The following MCCC1 variants were observed in gnomAD, a reference collection of about 807,000 sequenced individuals.
MCCC1 encodes the protein methylcrotonoyl-CoA carboxylase subunit alpha, mitochondrial.
MCCC1 carries 64 observed loss-of-function variants against 83.8 expected under a neutral mutation model. The observed-to-expected ratio is 0.76, with a 90% CI of 0.62 to 0.94. MCCC1 has a LOEUF of 0.94. Among genes scored for constraint, MCCC1 ranks in the 40% least tolerant of loss-of-function variants. MCCC1 has a pLI of 0.00. For synonymous variants in MCCC1, 322 were observed against 315.4 expected, an observed-to-expected ratio of 1.02 and a Z score of -0.22; for missense variants, 807 against 904.7, an observed-to-expected ratio of 0.89 and a Z score of 1.39.
intron 7 of MCCC1, among the ~76,000 whole-genome samples, chr3:183,065,535 G>C (rs1254411739): frequency 6.6e-6 from 1 of 152,148 alleles, no homozygotes; most frequent in Non-Finnish European, 1.5e-5. Flanking sequence ...TACATGTAAG[G>C]TGTGTAAGGA....
upstream of MCCC1, among the ~76,000 whole-genome samples, chr3:183,101,580 G>C (rs1216228809): frequency 6.6e-6 from 1 of 152,212 alleles, no homozygotes; most frequent in African/African-American, 2.4e-5. Context: ...CTCAGGGATT[G>C]TAAACGCACC....
At chr3:183,022,710 C>T in intron 15 of MCCC1, 156 bp from the exon 16 acceptor site, 1 of 669,928 alleles carries the variant, frequency 1.5e-6, no homozygotes, top group South Asian at 2.1e-5. Flanking sequence ...GGAACTTTTC[C>T]CCTATTCCTA....
chr3:183,057,018 G>A lies in MCCC1; in HGVS notation c.873+293C>T, dbSNP rs1168013120. On this transcript the variant is annotated intron_variant, in intron 8 of 18. Transcript: ENST00000265594. The stretch of plus-strand genomic sequence containing the variant: ...CCATTCATTACAATTTAAAATGTGC[G>A]TTGAAACCTCACTAGACAGCTTTTC... Among the ~76,000 whole-genome samples the A allele has an allele frequency of 7.9e-5, 12 of 152,152 alleles. No homozygotes were observed. The South Asian group carries it at 1.5e-3, about 18-fold the overall frequency.
intron 10 of MCCC1, 74 bp from the exon 11 acceptor site, chr3:183,041,824 C>T (rs934281164): frequency 7.5e-5 from 116 of 1,537,068 alleles, no homozygotes; most frequent in Admixed American, 3.5e-4. Context: ...AATGGTCTTG[C>T]TTTTTTTCTA....
At chr3:183,057,865 C>T (rs1397059011) in intron 7 of MCCC1, among the ~76,000 whole-genome samples, 1 of 152,070 alleles carries the variant, frequency 6.6e-6, no homozygotes, top group Non-Finnish European at 1.5e-5. Context: ...GAGTGAGAGA[C>T]CCTGTCAAAA....
At chr3:183,044,159 A>C (rs1714340220) in intron 10 of MCCC1, among the ~76,000 whole-genome samples, 1 of 152,234 alleles carries the variant, frequency 6.6e-6, no homozygotes, top group Non-Finnish European at 1.5e-5. Flanking sequence ...CACACCAGGA[A>C]AAAACAATTT....
intron 8 of MCCC1, among the ~76,000 whole-genome samples, chr3:183,055,048 T>C (rs1715304107): frequency 6.6e-6 from 1 of 152,164 alleles, no homozygotes; most frequent in Non-Finnish European, 1.5e-5. Flanking sequence ...CAGAATGTAT[T>C]CCTATTGTTA....
chr3:183,108,156 T>G (rs1481771933), intron 1 of MCCC1, among the ~76,000 whole-genome samples: 1 of 152,208 alleles, frequency 6.6e-6, no homozygotes, highest in East Asian at 1.9e-4. Flanking sequence ...AGGGCTAGCA[T>G]TTTCAGGGAA....
At chr3:183,021,589 G>A (rs1325345431) in intron 16 of MCCC1, among the ~76,000 whole-genome samples, 1 of 152,142 alleles carries the variant, frequency 6.6e-6, no homozygotes, top group African/African-American at 2.4e-5. Flanking sequence ...AGAGTTTAAC[G>A]GCCAAGGTCA....
Position 183,092,540 on chromosome 3 carries a change from T to A in MCCC1, c.142A>T (p.Asn48Tyr). The change falls in exon 3 of 19, where the codon AAC becomes TAC. Residue 48 changes from asparagine (N) to tyrosine (Y), a missense_variant. Asn to Tyr is a moderately radical substitution (Grantham distance 143, BLOSUM62 -2). Transcript: ENST00000265594. Reference protein sequence around the residue: ...TMKYTTATGRNITKVLIANRG... With the variant: ...TMKYTTATGRYITKVLIANRG... Reference sequence around the variant, plus strand: ...TTTGCAATGAGGACCTTGGTAATGTTTCTTCCTGTTTAAAACACCATGAAA... The same window carrying A: ...TTTGCAATGAGGACCTTGGTAATGTATCTTCCTGTTTAAAACACCATGAAA... 1 of 1,614,166 alleles carries A rather than the reference T, an allele frequency of 6.2e-7. No individual in the cohort carries two copies. Among genetic ancestry groups the A allele is most frequent in the Non-Finnish European group, 8.5e-7 (1 of 1,180,024 alleles).
Position 183,072,477 on chromosome 3 carries a change from G to A in MCCC1, c.380C>T (p.Pro127Leu), listed in dbSNP as rs796051984. Residue 127 changes from proline (P) to leucine (L), a missense_variant, in exon 5 of 19, where the codon CCA becomes CTA. Physicochemically the swap from Pro to Leu is moderately conservative, Grantham distance 98 (BLOSUM62 -3). Transcript: ENST00000265594. ...GTTTTCTGAGAGAAAACCGCATCCT[G>A]GATGGATAGCCTAGAAATGAGAAAT... Reference protein sequence around the residue: ...AKTSAAQAIHPGCGFLSENME... With the variant: ...AKTSAAQAIHLGCGFLSENME... 6.2e-7 allele frequency: 1 copy of A among 1,613,682 alleles called. No individual in the cohort carries two copies. The highest frequency in any genetic ancestry group is 8.5e-7 in the Non-Finnish European group (1 of 1,179,810).
chr3:183,086,878 T>C (rs1157988603), intron 3 of MCCC1, 90 bp from the exon 4 acceptor site: 4 of 1,207,184 alleles, frequency 3.3e-6, no homozygotes, highest in East Asian at 2.5e-5. Flanking sequence ...ATTTTATTAT[T>C]GTAAATAAAA....
At chr3:183,087,087 A>G (rs1208556441) in intron 3 of MCCC1, among the ~76,000 whole-genome samples, 1 of 152,222 alleles carries the variant, frequency 6.6e-6, no homozygotes, top group Non-Finnish European at 1.5e-5. Flanking sequence ...TGATATTATT[A>G]CTAAAACAAT....
intron 8 of MCCC1, among the ~76,000 whole-genome samples, chr3:183,056,144 A>G (rs1471842500): frequency 2.0e-5 from 3 of 152,150 alleles, no homozygotes; most frequent in African/African-American, 7.2e-5. Flanking sequence ...ACTTGAAAAT[A>G]AGGCTTTACT....
intron 15 of MCCC1, among the ~76,000 whole-genome samples, chr3:183,024,975 A>G (rs964387885): frequency 6.6e-6 from 1 of 151,938 alleles, no homozygotes. Flanking sequence ...AAAAAAAAAA[A>G]GGAAATTCTC....
At chr3:183,075,459 T>C (rs1194451040) in intron 4 of MCCC1, among the ~76,000 whole-genome samples, 1 of 152,222 alleles carries the variant, frequency 6.6e-6, no homozygotes, top group Non-Finnish European at 1.5e-5. Flanking sequence ...GTTTCTCTAA[T>C]GATCAGTGAT....
At chr3:183,035,461 A>T (rs888069362) in intron 13 of MCCC1, among the ~76,000 whole-genome samples, 3 of 151,970 alleles carry the variant, frequency 2.0e-5, no homozygotes, top group African/African-American at 7.3e-5. Flanking sequence ...GTTCAGTATC[A>T]CTTACCCAAA....
In MCCC1 at chr3:183,072,307, G is replaced by T. The variant is rs146786296; in HGVS notation, c.491+59C>A. 4,634 of 1,596,628 alleles carry T rather than the reference G, an allele frequency of 2.9e-3. 36 individuals carry two copies. Among genetic ancestry groups the T allele is most frequent in the Non-Finnish European group, 2.2e-3 (2,527 of 1,166,326 alleles). ...TATTACAGGCATAGCCACATGCCTGGCCCAAACTATTTCAACTGACCTTCA... is the reference window on the plus strand; with the variant it reads ...TATTACAGGCATAGCCACATGCCTGTCCCAAACTATTTCAACTGACCTTCA... On this transcript the variant is annotated intron_variant, in intron 5 of 18. Coordinates refer to ENST00000265594, the MANE Select transcript of MCCC1 (RefSeq NM_020166.5).
intron 4 of MCCC1, among the ~76,000 whole-genome samples, chr3:183,073,151 T>A (rs1716822123): frequency 6.6e-6 from 1 of 152,350 alleles, no homozygotes; most frequent in Non-Finnish European, 1.5e-5. Context: ...TATACAAGTA[T>A]CTGTTTTGAG....
Sources: allele counts gnomAD v4.1 joint callset (sites outside exome capture counted in the v4.1 genomes callset), GRCh38; gene constraint gnomAD v4.1.1; transcripts MANE v1.5; gene names NCBI Gene and HGNC (gene_info 2026-07-23, HGNC 2026-07-21).